MEOX1: variants seen among roughly 807,000 people sequenced by gnomAD.
MEOX1 encodes mesenchyme homeobox 1, also known as homeobox protein MOX-1.
In MEOX1, 17 loss-of-function variants were observed where a neutral mutation model predicts 23.2. The ratio of observed to expected loss-of-function variants is 0.73; its 90% CI spans 0.50 to 1.10. MEOX1 has a LOEUF of 1.10. Ranked by LOEUF, MEOX1 falls within the 50% of genes least tolerant of loss-of-function variation. MEOX1 has a pLI of 0.00. For missense variants in MEOX1, 333 were observed against 332.2 expected (o/e 1.00, Z -0.02); for synonymous variants, 134 against 135.1 (o/e 0.99, Z 0.06).
At chr17:43,659,958 T>C (rs1973107471) in intron 1 of MEOX1, among the ~76,000 whole-genome samples, 1 of 152,246 alleles carries the variant, frequency 6.6e-6, no homozygotes, top group South Asian at 2.1e-4. Context: ...GCTGTGCTTA[T>C]AAAGCAAAGC....
chr17:43,642,820 G>C (rs1289232279), intron 2 of MEOX1, among the ~76,000 whole-genome samples: 1 of 152,188 alleles, frequency 6.6e-6, no homozygotes, highest in Non-Finnish European at 1.5e-5. Context: ...CGGACCTCCA[G>C]AATCCACATT....
At position 43,641,781 on chromosome 17, in the gene MEOX1, A is replaced by G; in HGVS notation, c.*129T>C. On this transcript the variant is annotated 3_prime_UTR_variant, in exon 3 of 3. Transcript: ENST00000318579. ...TCCCAGGAATGCTGGGCAGTTTCAT[A>G]TCCAAGAGTCAGGGAAAGATGTGGA... 1.0e-6 allele frequency: 1 copy of G among 1,001,160 alleles called. No individual in the cohort carries two copies. Among genetic ancestry groups the G allele is most frequent in the Non-Finnish European group, 1.5e-6 (1 of 684,384 alleles). 62.0% of individuals were successfully genotyped at this position (1,001,160 alleles called of 1,614,324 possible).
chr17:43,661,335 A>C lies in MEOX1; in HGVS notation c.200T>G (p.Leu67Arg), dbSNP rs763716471. 5 of 1,608,866 alleles carry C rather than the reference A, an allele frequency of 3.1e-6. No individual in the cohort carries two copies. The South Asian group carries it at 5.5e-5, about 18-fold the overall frequency. Residue 67 changes from leucine to arginine, a missense_variant, in exon 1 of 3, where the codon CTG (leucine) becomes CGG (arginine). Leu to Arg is a moderately radical substitution (Grantham distance 102, BLOSUM62 -2). Transcript: ENST00000318579. ...AAYPDFSASC[L>R]AATPHSLPQE... The stretch of plus-strand genomic sequence containing the variant: ...GGGCAGGCTGTGTGGGGTGGCTGCC[A>C]GGCAGGAGGCTGAGAAGTCAGGGTA...
rs1972794072 is a variant in MEOX1, at chr17:43,645,626, CG to C, written c.470-1967del. Among the ~76,000 whole-genome samples, 4 of 152,132 alleles carry C rather than the reference CG, an allele frequency of 2.6e-5. No individual in the cohort carries two copies. The South Asian group carries it at 8.3e-4, about 32-fold the overall frequency. On this transcript the variant is annotated intron_variant, in intron 1 of 2. Coordinates refer to ENST00000318579, the MANE Select transcript of MEOX1 (RefSeq NM_004527.4). ...GGAGGGATCTTCTGTTTTCAGAGGCCGGGTCTAAGCTACCTGGGGGACTGGG... is the reference window on the plus strand; with the variant it reads ...GGAGGGATCTTCTGTTTTCAGAGGCCGGTCTAAGCTACCTGGGGGACTGGG...
intron 1 of MEOX1, among the ~76,000 whole-genome samples, chr17:43,652,299 G>C (rs547136620): frequency 3.9e-5 from 6 of 152,060 alleles, no homozygotes; most frequent in Non-Finnish European, 7.4e-5. Context: ...CAGTAGCATC[G>C]TCAGAGTCAG....
intron 1 of MEOX1, among the ~76,000 whole-genome samples, chr17:43,658,943 C>A (rs66873110): frequency 0.16 from 24,424 of 152,106 alleles, 2,833 homozygotes; most frequent in African/African-American, 0.32. Flanking sequence ...AGGGCCCCTG[C>A]GGATGGGAAC....
intron 1 of MEOX1, among the ~76,000 whole-genome samples, chr17:43,652,248 C>G (rs1972932164): frequency 6.6e-6 from 1 of 152,128 alleles, no homozygotes; most frequent in African/African-American, 2.4e-5. Flanking sequence ...GCGGTGCACC[C>G]CTCAAACCAC....
intron 1 of MEOX1, among the ~76,000 whole-genome samples, chr17:43,652,998 A>AT: frequency 6.6e-6 from 1 of 150,844 alleles, no homozygotes; most frequent in African/African-American, 2.4e-5. Context: ...CGCTTGGCTA[A>AT]TTTTTTTATA....
intron 1 of MEOX1, among the ~76,000 whole-genome samples, chr17:43,652,356 G>C (rs918033050): frequency 6.6e-6 from 1 of 152,134 alleles, no homozygotes; most frequent in African/African-American, 2.4e-5. Context: ...CAGAGCTCAG[G>C]ACACTTTGGC....
chr17:43,648,121 T>C (rs1972844031), intron 1 of MEOX1, among the ~76,000 whole-genome samples: 1 of 152,232 alleles, frequency 6.6e-6, no homozygotes, highest in Admixed American at 6.5e-5. Flanking sequence ...TTCTGGGAGC[T>C]GTTCGGTCAC....
In MEOX1 at chr17:43,661,667, G is replaced by C; in HGVS notation, c.-133C>G. On this transcript the variant is annotated 5_prime_UTR_variant, in exon 1 of 3. Coordinates refer to ENST00000318579, the MANE Select transcript of MEOX1 (RefSeq NM_004527.4). ...ATGTTCAACAGAAAATTTACCCCAG[G>C]AACCAAAAAAAAAAAAAAACCCAAA... 2 of 465,792 alleles carry C rather than the reference G, an allele frequency of 4.3e-6. No individual in the cohort carries two copies. The highest frequency in any genetic ancestry group is 3.5e-6 in the Non-Finnish European group (1 of 287,504). 28.9% of individuals were successfully genotyped at this position (465,792 alleles called of 1,614,324 possible).
At chr17:43,655,647 G>T (rs1476325525) in intron 1 of MEOX1, among the ~76,000 whole-genome samples, 1 of 102,636 alleles carries the variant, frequency 9.7e-6, no homozygotes, top group Non-Finnish European at 1.8e-5. Context: ...AGCATAGCAA[G>T]ACCCTGTCTT....
intron 1 of MEOX1, among the ~76,000 whole-genome samples, chr17:43,650,647 A>G (rs1358803992): frequency 2.0e-5 from 3 of 152,240 alleles, no homozygotes; most frequent in East Asian, 3.8e-4. Flanking sequence ...TATTTGGAGC[A>G]TGACATCAGT....
intron 1 of MEOX1, among the ~76,000 whole-genome samples, chr17:43,651,029 G>A (rs1388402790): frequency 2.6e-5 from 4 of 152,264 alleles, no homozygotes; most frequent in South Asian, 2.1e-4. Context: ...ATGAAAATGC[G>A]TAATGCTGGC....
At chr17:43,642,508 A>G (rs200057883) in intron 2 of MEOX1, among the ~76,000 whole-genome samples, 1 of 152,248 alleles carries the variant, frequency 6.6e-6, no homozygotes, top group East Asian at 1.9e-4. Flanking sequence ...CAGAGGTCCC[A>G]GGGCTAGGAA....
At chr17:43,642,878 T>A (rs1024323367) in intron 2 of MEOX1, among the ~76,000 whole-genome samples, 11 of 152,182 alleles carry the variant, frequency 7.2e-5, no homozygotes, top group African/African-American at 1.7e-4. Context: ...AATTTGGGAA[T>A]AGCCAGACCG....
intron 1 of MEOX1, among the ~76,000 whole-genome samples, chr17:43,653,667 G>A (rs950436235): frequency 1.3e-5 from 2 of 151,962 alleles, no homozygotes; most frequent in Non-Finnish European, 2.9e-5. Context: ...ATGCCACCAC[G>A]CCCAGCTAAT....
intron 1 of MEOX1, among the ~76,000 whole-genome samples, chr17:43,645,171 C>A (rs9905021): frequency 0.016 from 1,601 of 99,732 alleles, 54 homozygotes; most frequent in African/African-American, 0.06. Context: ...CATTAATTAT[C>A]TTTTTTTTTT....
intron 1 of MEOX1, among the ~76,000 whole-genome samples, chr17:43,644,716 C>T (rs1972770057): frequency 6.6e-6 from 1 of 152,062 alleles, no homozygotes; most frequent in African/African-American, 2.4e-5. Flanking sequence ...GAGCTCGAGA[C>T]CAGCCTGGCC....
Sources: allele counts gnomAD v4.1 joint callset (sites outside exome capture counted in the v4.1 genomes callset), GRCh38; gene constraint gnomAD v4.1.1; transcripts MANE v1.5; gene names NCBI Gene and HGNC (gene_info 2026-07-23, HGNC 2026-07-21).